Variants in KPNA4 observed in about 807,000 individuals in gnomAD.
KPNA4 encodes the protein importin subunit alpha-3.
KPNA4 carries 13 observed loss-of-function variants against 71.3 expected under a neutral mutation model. The observed-to-expected ratio is 0.18, with a 90% confidence interval of 0.12 to 0.29. The LOEUF (loss-of-function observed/expected upper bound fraction) is 0.29. Ranked by LOEUF, KPNA4 falls within the 10% of genes least tolerant of loss-of-function variation. KPNA4 has a pLI of 1.00. For missense variants in KPNA4, 334 were observed against 603.2 expected (o/e 0.55, Z 4.67); for synonymous variants, 189 against 195.2 (o/e 0.97, Z 0.26).
chr3:160,523,802 G>A (rs867394209), intron 10 of KPNA4, among the ~76,000 whole-genome samples: 13 of 151,906 alleles, frequency 8.6e-5, no homozygotes, highest in African/African-American at 2.4e-5. Context: ...AGTGAGTGGA[G>A]ATCATGCCAC....
chr3:160,515,329 A>G (rs746615475), intron 12 of KPNA4, 123 bp downstream of exon 12: 3 of 941,392 alleles, frequency 3.2e-6, no homozygotes, highest in Non-Finnish European at 4.7e-6. Flanking sequence ...TTTTCTCTTG[A>G]TGTCTAAATG....
intron 1 of KPNA4, among the ~76,000 whole-genome samples, chr3:160,540,167 G>A (rs569588736): frequency 3.3e-5 from 5 of 151,558 alleles, no homozygotes; most frequent in African/African-American, 1.2e-4. Flanking sequence ...GCCCGGCTAA[G>A]TTTTTGTGTT....
At position 160,565,319 on chromosome 3, in the gene KPNA4, G is replaced by A; in HGVS notation, c.-37C>T. On this transcript the variant is annotated 5_prime_UTR_variant, in exon 1 of 17. Transcript: ENST00000334256. ...TGACTCCTTCCCCCGCCCGGGCCCC[G>A]CGGGATCCGCCCCAACCAACGCGCC... 1.3e-6 allele frequency: 2 copies of A among 1,530,792 alleles called. No individual in the cohort carries two copies. The highest frequency in any genetic ancestry group is 1.8e-6 in the Non-Finnish European group (2 of 1,126,494). 94.8% of individuals were successfully genotyped at this position (1,530,792 alleles called of 1,614,324 possible).
intron 5 of KPNA4, among the ~76,000 whole-genome samples, chr3:160,532,631 A>G (rs534381871): frequency 6.6e-6 from 1 of 152,210 alleles, no homozygotes; most frequent in Non-Finnish European, 1.5e-5. Flanking sequence ...GTGTGGCCTA[A>G]TCATATCTTT....
intron 1 of KPNA4, among the ~76,000 whole-genome samples, chr3:160,557,911 G>T (rs748452177): frequency 6.6e-6 from 1 of 152,118 alleles, no homozygotes; most frequent in Non-Finnish European, 1.5e-5. Flanking sequence ...CAAACTCCCA[G>T]TATCAAGCAA....
At position 160,565,350 on chromosome 3, in the gene KPNA4, G is replaced by C; in HGVS notation, c.-68C>G. 7.6e-7 allele frequency: 1 copy of C among 1,320,794 alleles called. No homozygotes were observed. Among genetic ancestry groups the C allele is most frequent in the Non-Finnish European group, 1.1e-6 (1 of 941,508 alleles). The allele number at this position is 1,320,794 out of a possible 1,614,324, so 81.8% of individuals were successfully genotyped here. A position where few individuals can be genotyped will look rare whatever the true frequency, so the allele number is the denominator to read the frequency against. ...TCCGCCCCAACCAACGCGCCGCACC[G>C]ACACTCCCAGGAACCGGGCCGCCGC... On this transcript the variant is annotated 5_prime_UTR_variant, in exon 1 of 17. Coordinates refer to ENST00000334256, the MANE Select transcript of KPNA4 (RefSeq NM_002268.5).
chr3:160,553,126 G>A (rs1385537475), intron 1 of KPNA4, among the ~76,000 whole-genome samples: 1 of 152,162 alleles, frequency 6.6e-6, no homozygotes, highest in Non-Finnish European at 1.5e-5. Flanking sequence ...AAGTTAACAG[G>A]AAAGTAAGAA....
At chr3:160,549,969 T>C (rs1368530908) in intron 1 of KPNA4, among the ~76,000 whole-genome samples, 1 of 152,236 alleles carries the variant, frequency 6.6e-6, no homozygotes, top group Non-Finnish European at 1.5e-5. Flanking sequence ...GGTTTATTCC[T>C]AAGTATTTTT....
intron 13 of KPNA4, among the ~76,000 whole-genome samples, chr3:160,510,726 T>A (rs906262369): frequency 6.6e-6 from 1 of 152,106 alleles, no homozygotes; most frequent in African/African-American, 2.4e-5. Context: ...AATTTACATA[T>A]ATGTTTATCT....
chr3:160,528,824 C>A (rs1201146698), intron 7 of KPNA4, among the ~76,000 whole-genome samples: 1 of 152,194 alleles, frequency 6.6e-6, no homozygotes, highest in African/African-American at 2.4e-5. Flanking sequence ...CAAAATACTG[C>A]ACTGAACAAA....
chr3:160,498,991 T>A lies in KPNA4; in HGVS notation c.*3113A>T, dbSNP rs1426594492. Reference sequence around the variant, plus strand: ...ATCCAAAAAGGGTGCCCCCATAAATTACTGTTACAATAAACCCAGTCATTT... The same window carrying A: ...ATCCAAAAAGGGTGCCCCCATAAATAACTGTTACAATAAACCCAGTCATTT... On this transcript the variant is annotated 3_prime_UTR_variant, in exon 17 of 17. Transcript: ENST00000334256. The A allele has an allele frequency of 1.3e-5, 2 of 152,202 alleles. No homozygotes were observed. Among genetic ancestry groups the A allele is most frequent in the Non-Finnish European group, 2.9e-5 (2 of 68,036 alleles). 9.4% of individuals were successfully genotyped at this position (152,202 alleles called of 1,614,324 possible).
chr3:160,530,134 CAAAAAAA>C (rs746257397), intron 7 of KPNA4, among the ~76,000 whole-genome samples: 4 of 38,532 alleles, frequency 1.0e-4, no homozygotes, highest in African/African-American at 1.4e-4. Flanking sequence ...GACTCCATCT[CAAAAAAA>C]AAAAAAAAAA....
At chr3:160,513,256 T>G (rs995168206) in intron 13 of KPNA4, among the ~76,000 whole-genome samples, 5 of 140,850 alleles carry the variant, frequency 3.5e-5, no homozygotes, top group Admixed American at 1.4e-4. Context: ...GTGGTTTTTT[T>G]TTTTTTTTTT....
chr3:160,527,273 G>C (rs1721477707), intron 8 of KPNA4, among the ~76,000 whole-genome samples: 1 of 152,052 alleles, frequency 6.6e-6, no homozygotes, highest in Non-Finnish European at 1.5e-5. Flanking sequence ...ATAGTTCTTT[G>C]AATTTTTGAG....
At chr3:160,540,220 C>T (rs1389117037) in intron 1 of KPNA4, among the ~76,000 whole-genome samples, 3 of 151,880 alleles carry the variant, frequency 2.0e-5, no homozygotes, top group African/African-American at 4.8e-5. Flanking sequence ...AGGCTGGTCT[C>T]GAACTCCTGA....
chr3:160,518,853 T>C (rs990544558), intron 11 of KPNA4, among the ~76,000 whole-genome samples: 1 of 152,054 alleles, frequency 6.6e-6, no homozygotes, highest in Non-Finnish European at 1.5e-5. Context: ...AGAGCAAGAC[T>C]CTCACACACA....
chr3:160,539,805 C>A (rs1441346867), intron 1 of KPNA4, among the ~76,000 whole-genome samples: 1 of 152,090 alleles, frequency 6.6e-6, no homozygotes, highest in Admixed American at 6.5e-5. Flanking sequence ...GCAATCACTT[C>A]ATCTAAAGTA....
Position 160,565,480 on chromosome 3 carries a change from G to T in KPNA4, c.-198C>A, listed in dbSNP as rs1343962701. ...CGCCCCCCCGCCCTAACCCCAGCGC[G>T]ACTGCAGCTCCGGCAAAGACAACTG... is the stretch of plus-strand genomic sequence containing the variant. On this transcript the variant is annotated 5_prime_UTR_variant, in exon 1 of 17. Transcript: ENST00000334256. 6 of 543,756 alleles carry T rather than the reference G, an allele frequency of 1.1e-5. No individual in the cohort carries two copies. Among genetic ancestry groups the T allele is most frequent in the Non-Finnish European group, 1.6e-5 (5 of 309,264 alleles). The allele number at this position is 543,756 out of a possible 1,614,324, so 33.7% of individuals were successfully genotyped here.
rs1298208496 is a variant in KPNA4 at position 160,498,439 on chromosome 3, G to C, written c.*3665C>G. On this transcript the variant is annotated 3_prime_UTR_variant, in exon 17 of 17. Transcript: ENST00000334256. ...TAACCCCCTCCCTTGACTGTGAACAGGATCTTTGAATATGATGCGTATCAC... is the reference window on the plus strand; with the variant it reads ...TAACCCCCTCCCTTGACTGTGAACACGATCTTTGAATATGATGCGTATCAC... 6.6e-6 allele frequency: 1 copy of C among 152,224 alleles called. No individual in the cohort carries two copies. The highest frequency in any genetic ancestry group is 2.4e-5 in the African/African-American group (1 of 41,450). The allele number at this position is 152,224 out of a possible 1,614,324, so 9.4% of individuals were successfully genotyped here. A position where few individuals can be genotyped will look rare whatever the true frequency, so the allele number is the denominator to read the frequency against.
Sources: gnomAD v4.1 joint callset for allele counts (sites outside exome capture counted in the v4.1 genomes callset) on GRCh38, gnomAD v4.1.1 for gene constraint, MANE v1.5 for transcripts, NCBI Gene and HGNC (gene_info 2026-07-23, HGNC 2026-07-21) for gene names.